Variants in ABCC4 observed in about 807,000 individuals in gnomAD.
ABCC4 encodes the protein ATP binding cassette subfamily C member 4 (PEL blood group), also known as ATP-binding cassette sub-family C member 4.
ABCC4 carries 102 observed loss-of-function variants against 168.5 expected under a neutral mutation model. That is an observed-to-expected ratio of 0.61 (90% CI 0.52 to 0.71). ABCC4 has a LOEUF of 0.71. ABCC4 is among the 30% of genes least tolerant of loss of function. ABCC4 has a pLI of 0.00. For synonymous variants in ABCC4, 617 were observed against 590.7 expected (o/e 1.04, Z -0.65); for missense variants, 1,402 against 1,605.8 (o/e 0.87, Z 2.17).
intron 4 of ABCC4, among the ~76,000 whole-genome samples, chr13:95,211,917 C>T (rs2038968633): frequency 6.6e-6 from 1 of 152,086 alleles, no homozygotes; most frequent in Non-Finnish European, 1.5e-5. Flanking sequence ...CGGTGGCTCA[C>T]ACCTGTAATC....
At chr13:95,190,184 GA>G (rs945634415) in intron 9 of ABCC4, among the ~76,000 whole-genome samples, 2 of 151,042 alleles carry the variant, frequency 1.3e-5, no homozygotes, top group Admixed American at 1.3e-4. Context: ...ATCTCTTAAA[GA>G]AAAAAAAATC....
At chr13:95,044,493 T>A (rs2032494106) in intron 27 of ABCC4, 55 bp from the exon 28 acceptor site, 2 of 1,516,366 alleles carry the variant, frequency 1.3e-6, no homozygotes, top group Non-Finnish European at 1.8e-6. Flanking sequence ...ATGGAAGTAG[T>A]CAAGCCTCAT....
chr13:95,165,769 C>A lies in ABCC4; in HGVS notation c.2034+389G>T, dbSNP rs535293155. ...GAAAAGTGGCTAATTTCATGTGGCC[C>A]ACAGCAGGACTTTCTCTAAGGGGGT... On this transcript the variant is annotated intron_variant, in intron 15 of 30. Coordinates refer to ENST00000645237, the MANE Select transcript of ABCC4 (RefSeq NM_005845.5). Among the ~76,000 whole-genome samples, 4 of 152,294 alleles carry A rather than the reference C, an allele frequency of 2.6e-5. No individual in the cohort carries two copies. The South Asian group carries it at 8.3e-4, about 32-fold the overall frequency.
chr13:95,129,761 C>G (rs995935378), intron 19 of ABCC4, among the ~76,000 whole-genome samples: 5 of 152,016 alleles, frequency 3.3e-5, no homozygotes, highest in Non-Finnish European at 7.4e-5. Context: ...ACATTGCTTT[C>G]AAGAAAAACT....
chr13:95,180,241 C>A (rs899588730), intron 11 of ABCC4, among the ~76,000 whole-genome samples: 1 of 152,146 alleles, frequency 6.6e-6, no homozygotes, highest in African/African-American at 2.4e-5. Context: ...TACACTATCT[C>A]TTCCTTTCAG....
chr13:95,207,572 A>G (rs561313607), intron 7 of ABCC4, among the ~76,000 whole-genome samples: 6 of 152,346 alleles, frequency 3.9e-5, no homozygotes, highest in African/African-American at 1.2e-4. Context: ...TCACTTTTGT[A>G]TTAGTAAGAA....
chr13:95,255,072 A>G (rs1028471018), intron 1 of ABCC4, among the ~76,000 whole-genome samples: 7 of 152,260 alleles, frequency 4.6e-5, no homozygotes, highest in African/African-American at 1.7e-4. Flanking sequence ...TAAGTCTGCA[A>G]TAGCAAAAGT....
At chr13:95,178,185 C>T in intron 11 of ABCC4, 94 bp from the exon 12 acceptor site, 1 of 1,068,682 alleles carries the variant, frequency 9.4e-7, no homozygotes. Flanking sequence ...CTAAACTTTG[C>T]ACATTAGTTC....
intron 30 of ABCC4, among the ~76,000 whole-genome samples, chr13:95,029,157 A>T (rs976407114): frequency 4.4e-5 from 6 of 137,550 alleles, no homozygotes; most frequent in Admixed American, 3.6e-4. Flanking sequence ...AAACTGCTTT[A>T]AAAAAAATAC....
intron 1 of ABCC4, among the ~76,000 whole-genome samples, chr13:95,250,970 T>C (rs74652567): frequency 0.015 from 2,316 of 152,178 alleles, 49 homozygotes; most frequent in East Asian, 0.091. Flanking sequence ...TTATTTTTGA[T>C]AGAGACCAGG....
At chr13:95,286,389 A>G (rs1217988198) in intron 1 of ABCC4, among the ~76,000 whole-genome samples, 3 of 151,864 alleles carry the variant, frequency 2.0e-5, no homozygotes, top group African/African-American at 7.3e-5. Flanking sequence ...CAAAGTGCTG[A>G]GATTACAGGC....
rs548554967 is a variant in ABCC4, at chr13:95,220,441, C to T, written c.532-9660G>A. On this transcript the variant is annotated intron_variant, in intron 4 of 30. Transcript: ENST00000645237. ...ATTCAGTAATCCGAAAGTAACAGTA[C>T]ACAGTACTGTAATACTGCAAAATTC... Among the ~76,000 whole-genome samples, 8 of 152,236 alleles carry T rather than the reference C, an allele frequency of 5.3e-5. No individual in the cohort carries two copies. In the South Asian group the frequency reaches 1.7e-3, roughly 32 times the overall value.
intron 1 of ABCC4, among the ~76,000 whole-genome samples, chr13:95,271,256 G>A (rs2040840042): frequency 1.3e-5 from 2 of 152,178 alleles, no homozygotes. Context: ...AGAGACAGCT[G>A]CCGACGGATT....
Position 95,109,671 on chromosome 13 carries a change from A to G in ABCC4, c.2535+6251T>C, listed in dbSNP as rs569188255. ...CTTGGAGGAAGCCATAATTGAACTT[A>G]AAGTGAAAGAGCTAGGATTGGAAAT... On this transcript the variant is annotated intron_variant, in intron 20 of 30. Coordinates refer to ENST00000645237, the MANE Select transcript of ABCC4 (RefSeq NM_005845.5). Among the ~76,000 whole-genome samples, 153 of 152,338 alleles carry G rather than the reference A, an allele frequency of 1.0e-3. 1 individual carries two copies. The highest frequency in any genetic ancestry group is 3.6e-3 in the African/African-American group (148 of 41,586).
intron 30 of ABCC4, among the ~76,000 whole-genome samples, chr13:95,031,729 C>A (rs1285919232): frequency 1.3e-5 from 2 of 152,096 alleles, no homozygotes; most frequent in Non-Finnish European, 2.9e-5. Flanking sequence ...AAAAAAGATT[C>A]CTAATTCTGT....
intron 9 of ABCC4, among the ~76,000 whole-genome samples, chr13:95,193,140 A>G (rs1204044475): frequency 1.3e-5 from 2 of 150,344 alleles, no homozygotes; most frequent in Non-Finnish European, 1.5e-5. Context: ...GCATGTAGAG[A>G]AAGGAAGAGT....
intron 20 of ABCC4, among the ~76,000 whole-genome samples, chr13:95,104,191 T>C (rs1042413582): frequency 1.1e-4 from 17 of 152,192 alleles, no homozygotes; most frequent in African/African-American, 3.6e-4. Context: ...TGATCTTGAC[T>C]CACTGCAACC....
At chr13:95,278,188 A>G (rs908639793) in intron 1 of ABCC4, among the ~76,000 whole-genome samples, 4 of 152,198 alleles carry the variant, frequency 2.6e-5, no homozygotes, top group Admixed American at 2.6e-4. Context: ...TACTTTGGAT[A>G]AAAGTTTAGC....
chr13:95,207,616 T>C (rs566993149), intron 7 of ABCC4, among the ~76,000 whole-genome samples, 184 bp downstream of exon 7: 85 of 152,342 alleles, frequency 5.6e-4, no homozygotes, highest in African/African-American at 1.9e-3. Context: ...ACATGGTAAA[T>C]GGAAGACCAA....
Sources: allele counts gnomAD v4.1 joint callset (sites outside exome capture counted in the v4.1 genomes callset), GRCh38; gene constraint gnomAD v4.1.1; transcripts MANE v1.5; gene names NCBI Gene and HGNC (gene_info 2026-07-23, HGNC 2026-07-21).